Variants in CACNA2D3 observed in about 807,000 individuals in gnomAD.
The protein encoded by CACNA2D3 is calcium voltage-gated channel auxiliary subunit alpha2delta 3.
Under a neutral mutation model 160.6 loss-of-function variants are expected in CACNA2D3, and 60 were observed. The observed-to-expected ratio is 0.37, with a 90% confidence interval of 0.30 to 0.46. The LOEUF is 0.46. Among genes scored for constraint, CACNA2D3 ranks in the 20% least tolerant of loss-of-function variants. The pLI, the probability that CACNA2D3 is intolerant of heterozygous loss-of-function variation, is 1.00. For synonymous variants in CACNA2D3, 558 were observed against 492.9 expected, an observed-to-expected ratio of 1.13 and a Z score of -1.75; for missense variants, 1,205 against 1,365.0, an observed-to-expected ratio of 0.88 and a Z score of 1.85.
chr3:54,511,109 G>C (rs1701451681), intron 5 of CACNA2D3, among the ~76,000 whole-genome samples: 1 of 151,610 alleles, frequency 6.6e-6, no homozygotes, highest in South Asian at 2.1e-4. Context: ...CTGACCTCCT[G>C]CTGAGGGTAC....
At chr3:54,862,404 C>T (rs1198048382) in intron 17 of CACNA2D3, among the ~76,000 whole-genome samples, 3 of 151,216 alleles carry the variant, frequency 2.0e-5, no homozygotes, top group African/African-American at 4.9e-5. Context: ...CACACACACA[C>T]GCACACACAC....
chr3:54,977,663 C>T (rs1702420943), intron 29 of CACNA2D3, among the ~76,000 whole-genome samples: 1 of 152,128 alleles, frequency 6.6e-6, no homozygotes. Context: ...CTGTACTCAA[C>T]ATGTATTTAC....
In CACNA2D3 at chr3:54,717,526, G is replaced by GGT. The variant is rs1246653425; in HGVS notation, c.1168-35063_1168-35062dup. On this transcript the variant is annotated intron_variant, in intron 11 of 37. Transcript: ENST00000474759. ...TGTCTGTGTATGCGTGTGTGTGTGTGGTGTGTGTGTGGTGTGCATGTGTGG... is the reference window on the plus strand; with the variant it reads ...TGTCTGTGTATGCGTGTGTGTGTGTGGTGTGTGTGTGTGGTGTGCATGTGTGG... Among the ~76,000 whole-genome samples, 4 of 150,142 alleles carry GGT rather than the reference G, an allele frequency of 2.7e-5. No homozygotes were observed. In the South Asian group the frequency reaches 6.4e-4, roughly 24 times the overall value.
intron 5 of CACNA2D3, among the ~76,000 whole-genome samples, chr3:54,526,974 A>T (rs1040064553): frequency 2.0e-5 from 3 of 152,210 alleles, no homozygotes; most frequent in African/African-American, 7.2e-5. Flanking sequence ...TACAGGTGTG[A>T]GCCACCACGT....
At chr3:54,880,272 A>G (rs1028162219) in intron 20 of CACNA2D3, among the ~76,000 whole-genome samples, 2 of 152,232 alleles carry the variant, frequency 1.3e-5, no homozygotes, top group African/African-American at 4.8e-5. Flanking sequence ...TGGATCTTAA[A>G]TCAAGCCAGT....
intron 9 of CACNA2D3, among the ~76,000 whole-genome samples, chr3:54,598,382 T>C (rs1340943057): frequency 1.4e-5 from 2 of 147,334 alleles, no homozygotes; most frequent in Non-Finnish European, 3.0e-5. Flanking sequence ...TGGCTTCAGA[T>C]ACATGTCCCA....
intron 13 of CACNA2D3, among the ~76,000 whole-genome samples, chr3:54,777,907 A>G (rs1399494685): frequency 6.6e-6 from 1 of 152,196 alleles, no homozygotes; most frequent in Admixed American, 6.5e-5. Context: ...ACCCAATTTG[A>G]AAAGTTTTCA....
Position 54,958,994 on chromosome 3 carries a change from G to A in CACNA2D3, c.2450-9456G>A, listed in dbSNP as rs114028630. Reference sequence around the variant, plus strand: ...CACATGCCTGTAGTCCTAGCTACTCGGGAGACTATGGTGGGATAATTGCCT... The same window carrying A: ...CACATGCCTGTAGTCCTAGCTACTCAGGAGACTATGGTGGGATAATTGCCT... On this transcript the variant is annotated intron_variant, in intron 27 of 37. Coordinates refer to ENST00000474759, the MANE Select transcript of CACNA2D3 (RefSeq NM_018398.3). 2.7e-3 allele frequency among the ~76,000 whole-genome samples: 414 copies of A among 152,106 alleles called. 7 individuals carry two copies. The highest frequency in any genetic ancestry group is 5.0e-3 in the African/African-American group (207 of 41,484).
rs368926239 is a variant in CACNA2D3 at position 54,832,074 on chromosome 3, T to C, written c.1399-5085T>C. 3.0e-4 allele frequency among the ~76,000 whole-genome samples: 44 copies of C among 147,164 alleles called. 1 individual carries two copies. In the South Asian group the frequency reaches 6.9e-3, roughly 23 times the overall value. On this transcript the variant is annotated intron_variant, in intron 14 of 37. Coordinates refer to ENST00000474759, the MANE Select transcript of CACNA2D3 (RefSeq NM_018398.3). ...ACACACACGTCTCTCCTCCTCTCTG[T>C]TGAGTTTATTTTATTCAGTCTCATC...
chr3:54,508,395 G>A (rs1191132986), intron 5 of CACNA2D3, among the ~76,000 whole-genome samples: 3 of 152,286 alleles, frequency 2.0e-5, no homozygotes, highest in South Asian at 2.1e-4. Flanking sequence ...CAGCACATGG[G>A]CCAAGACTGG....
chr3:54,875,879 C>A (rs1699646984), intron 18 of CACNA2D3, among the ~76,000 whole-genome samples: 1 of 152,170 alleles, frequency 6.6e-6, no homozygotes, highest in African/African-American at 2.4e-5. Context: ...ATTGAGTACA[C>A]TGTGGTACAA....
chr3:54,669,472 C>G (rs555080807), intron 11 of CACNA2D3, among the ~76,000 whole-genome samples: 199 of 152,202 alleles, frequency 1.3e-3, no homozygotes, highest in Non-Finnish European at 2.3e-3. Flanking sequence ...TAAAGTTTGG[C>G]AAATGCAGCC....
At chr3:54,276,069 T>G (rs932362883) in intron 2 of CACNA2D3, among the ~76,000 whole-genome samples, 6 of 152,180 alleles carry the variant, frequency 3.9e-5, no homozygotes, top group African/African-American at 1.4e-4. Context: ...GGATTCTTTC[T>G]CTGACATCCT....
chr3:54,270,061 T>A (rs891817129), intron 2 of CACNA2D3, among the ~76,000 whole-genome samples: 1 of 152,220 alleles, frequency 6.6e-6, no homozygotes, highest in Non-Finnish European at 1.5e-5. Context: ...GAAAAAGCCA[T>A]ACATGAACAC....
intron 2 of CACNA2D3, among the ~76,000 whole-genome samples, chr3:54,131,752 G>A (rs951920617): frequency 2.0e-5 from 3 of 150,076 alleles, no homozygotes; most frequent in Non-Finnish European, 4.4e-5. Context: ...CCCTAGGGAG[G>A]TGGATTTTTT....
intron 4 of CACNA2D3, among the ~76,000 whole-genome samples, chr3:54,443,118 T>C (rs976349259): frequency 4.6e-5 from 7 of 152,162 alleles, no homozygotes; most frequent in African/African-American, 1.7e-4. Context: ...ATGGAGAAAG[T>C]AGCAAAGGGA....
At chr3:54,764,544 C>T (rs769205861) in intron 13 of CACNA2D3, among the ~76,000 whole-genome samples, 193 bp downstream of exon 13, 4 of 152,156 alleles carry the variant, frequency 2.6e-5, no homozygotes, top group Non-Finnish European at 5.9e-5. Context: ...AAGTATGACA[C>T]GTACTTCAGA....
At chr3:55,054,557 A>T (rs1704315642) in intron 35 of CACNA2D3, among the ~76,000 whole-genome samples, 1 of 150,390 alleles carries the variant, frequency 6.6e-6, no homozygotes, top group Non-Finnish European at 1.5e-5. Flanking sequence ...CAGTATAGCC[A>T]CTTTCTAAAG....
intron 6 of CACNA2D3, among the ~76,000 whole-genome samples, chr3:54,563,757 A>G (rs1380363741): frequency 6.6e-6 from 1 of 152,176 alleles, no homozygotes; most frequent in East Asian, 1.9e-4. Flanking sequence ...AATTAAGTGA[A>G]GTCTTTCATG....
Sources: allele counts gnomAD v4.1 joint callset (sites outside exome capture counted in the v4.1 genomes callset), GRCh38; gene constraint gnomAD v4.1.1; transcripts MANE v1.5; gene names NCBI Gene and HGNC (gene_info 2026-07-23, HGNC 2026-07-21).